AGMO: variants seen among roughly 807,000 people sequenced by gnomAD.
AGMO encodes the protein alkylglycerol monooxygenase.
AGMO carries 75 observed loss-of-function variants against 60.2 expected under a neutral mutation model. That is an observed-to-expected ratio of 1.25 (90% confidence interval 1.03 to 1.51). The LOEUF (loss-of-function observed/expected upper bound fraction) is 1.51. Among genes scored for constraint, AGMO ranks in the 40% most tolerant of loss-of-function variants. The probability of loss-of-function intolerance (pLI) is 0.00; values close to 1 mark genes in which losing one functional copy is unlikely to be tolerated. For missense variants in AGMO, 763 were observed against 525.5 expected (o/e 1.45, Z -4.42); for synonymous variants, 261 against 177.1 (o/e 1.47, Z -3.76).
rs114671793 is a variant in AGMO at position 15,267,895 on chromosome 7, G to A, written c.1264-66536C>T. On this transcript the variant is annotated intron_variant, in intron 12 of 12. Coordinates refer to ENST00000342526, the MANE Select transcript of AGMO (RefSeq NM_001004320.2). ...TAGCAAAGCAATTTATAACAACTCC[G>A]AGTAATGCCAGAGAAAATGTTATGT... Among the ~76,000 whole-genome samples, 483 of 151,894 alleles carry A rather than the reference G, an allele frequency of 3.2e-3. 3 individuals are homozygous for A. The highest frequency in any genetic ancestry group is 0.011 in the African/African-American group (460 of 41,504).
chr7:15,203,902 G>T (rs1781373008), intron 12 of AGMO, among the ~76,000 whole-genome samples: 1 of 151,994 alleles, frequency 6.6e-6, no homozygotes, highest in Non-Finnish European at 1.5e-5. Context: ...TCATCACCTA[G>T]ATTTTCCTAG....
intron 4 of AGMO, among the ~76,000 whole-genome samples, chr7:15,426,350 G>C (rs1013656533): frequency 7.9e-5 from 12 of 152,078 alleles, no homozygotes; most frequent in Non-Finnish European, 1.8e-4. Context: ...TAATTTCTTT[G>C]AAAGTTTATA....
chr7:15,397,086 C>T (rs1784419776), intron 5 of AGMO, among the ~76,000 whole-genome samples: 1 of 152,172 alleles, frequency 6.6e-6, no homozygotes, highest in African/African-American at 2.4e-5. Flanking sequence ...TCACCTGTCA[C>T]TGGCACCCGC....
intron 12 of AGMO, among the ~76,000 whole-genome samples, chr7:15,317,729 A>G (rs538622217): frequency 6.6e-6 from 1 of 152,022 alleles, no homozygotes; most frequent in Non-Finnish European, 1.5e-5. Flanking sequence ...AGTGTCTGTT[A>G]TAAGAAGTAG....
At chr7:15,422,483 A>G (rs1406455694) in intron 4 of AGMO, among the ~76,000 whole-genome samples, 1 of 152,158 alleles carries the variant, frequency 6.6e-6, no homozygotes, top group African/African-American at 2.4e-5. Flanking sequence ...GTAAGAATGC[A>G]TGTTCACTTG....
At chr7:15,346,473 T>G (rs1426117836) in intron 12 of AGMO, among the ~76,000 whole-genome samples, 1 of 152,052 alleles carries the variant, frequency 6.6e-6, no homozygotes, top group Non-Finnish European at 1.5e-5. Flanking sequence ...AGGCCATTAT[T>G]TAATCTTTTT....
intron 12 of AGMO, chr7:15,358,073 T>C (rs1041121228): frequency 5.6e-6 from 1 of 177,236 alleles, no homozygotes; most frequent in Admixed American, 6.2e-5. Context: ...TGTTGACATA[T>C]TAACTGGGTA....
At chr7:15,495,586 G>C (rs1204707878) in intron 3 of AGMO, among the ~76,000 whole-genome samples, 3 of 152,184 alleles carry the variant, frequency 2.0e-5, no homozygotes, top group Admixed American at 1.3e-4. Flanking sequence ...CCATGTCTCA[G>C]TTTTTCAGCA....
At chr7:15,459,648 A>G (rs1782092362) in intron 3 of AGMO, among the ~76,000 whole-genome samples, 1 of 93,864 alleles carries the variant, frequency 1.1e-5, no homozygotes, top group African/African-American at 4.2e-5. Context: ...ATTAAAAAAC[A>G]TCACACCACC....
intron 3 of AGMO, among the ~76,000 whole-genome samples, chr7:15,535,335 T>C (rs551982656): frequency 6.6e-6 from 1 of 152,112 alleles, no homozygotes; most frequent in African/African-American, 2.4e-5. Flanking sequence ...TGGGGGGGCA[T>C]ACTCTTTCTT....
intron 3 of AGMO, among the ~76,000 whole-genome samples, chr7:15,475,851 G>T (rs74401294): frequency 7.8e-4 from 118 of 152,032 alleles, no homozygotes; most frequent in African/African-American, 2.5e-3. Context: ...AAAGAAGATG[G>T]AATGAGCTAT....
the AGMO span, among the ~76,000 whole-genome samples, chr7:15,143,113 C>T: frequency 6.6e-6 from 1 of 152,156 alleles, no homozygotes; most frequent in African/African-American, 2.4e-5. Flanking sequence ...TTCTAGTAGC[C>T]TGCCTAAATT....
chr7:15,192,383 G>A, the AGMO span, among the ~76,000 whole-genome samples: 1 of 152,008 alleles, frequency 6.6e-6, no homozygotes, highest in Non-Finnish European at 1.5e-5. Context: ...TGAACACTGA[G>A]AGGAGTTCGG....
chr7:15,509,394 C>T (rs1346568949), intron 3 of AGMO, among the ~76,000 whole-genome samples: 1 of 150,378 alleles, frequency 6.6e-6, no homozygotes, highest in Non-Finnish European at 1.5e-5. Context: ...AAAAATGAAA[C>T]TGGACAATTA....
intron 3 of AGMO, among the ~76,000 whole-genome samples, chr7:15,435,565 G>A (rs1380140805): frequency 1.3e-5 from 2 of 151,904 alleles, no homozygotes; most frequent in Admixed American, 1.3e-4. Context: ...TATTTTAAAT[G>A]GGTTGTTTTC....
At chr7:15,429,401 T>C (rs976373186) in intron 4 of AGMO, among the ~76,000 whole-genome samples, 2 of 152,022 alleles carry the variant, frequency 1.3e-5, no homozygotes, top group African/African-American at 2.4e-5. Context: ...AAGAACGCCA[T>C]GTGAAAATAA....
At chr7:15,406,305 A>G (rs1052246692) in intron 5 of AGMO, among the ~76,000 whole-genome samples, 3 of 144,724 alleles carry the variant, frequency 2.1e-5, no homozygotes, top group African/African-American at 7.8e-5. Context: ...TATATGGAAT[A>G]TACATATATA....
chr7:15,366,416 GGA>G (rs1169221070), intron 10 of AGMO, among the ~76,000 whole-genome samples, 194 bp from the exon 11 acceptor site: 5 of 151,976 alleles, frequency 3.3e-5, no homozygotes, highest in Non-Finnish European at 7.4e-5. Context: ...TTGGACACTT[GGA>G]GAATTAGACA....
intron 12 of AGMO, among the ~76,000 whole-genome samples, chr7:15,207,463 T>C (rs1781468719): frequency 6.6e-6 from 1 of 152,262 alleles, no homozygotes; most frequent in African/African-American, 2.4e-5. Context: ...TACTAGATTC[T>C]TGCCTTTCCT....
Sources: allele counts gnomAD v4.1 joint callset (sites outside exome capture counted in the v4.1 genomes callset), GRCh38; gene constraint gnomAD v4.1.1; transcripts MANE v1.5; gene names NCBI Gene and HGNC (gene_info 2026-07-23, HGNC 2026-07-21).